LYN: variants seen among roughly 807,000 people sequenced by gnomAD.
The protein encoded by LYN is LYN proto-oncogene, Src family tyrosine kinase.
Under a neutral mutation model 65.0 loss-of-function variants are expected in LYN, and 12 were observed. The ratio of observed to expected loss-of-function variants is 0.18; its 90% CI spans 0.12 to 0.30. The LOEUF (loss-of-function observed/expected upper bound fraction) is 0.30. Ranked by LOEUF, LYN falls within the 10% of genes least tolerant of loss-of-function variation. The probability of loss-of-function intolerance (pLI) is 1.00; values close to 1 mark genes in which losing one functional copy is unlikely to be tolerated. For missense variants in LYN, 380 were observed against 623.2 expected (o/e 0.61, Z 4.16); for synonymous variants, 222 against 221.2 (o/e 1.00, Z -0.03).
At chr8:55,884,152 T>G (rs779172066) in intron 1 of LYN, among the ~76,000 whole-genome samples, 2 of 152,200 alleles carry the variant, frequency 1.3e-5, no homozygotes, top group Non-Finnish European at 2.9e-5. Context: ...CAGCCTGGAG[T>G]GCAGTGGTGC....
At chr8:55,963,952 T>G (rs1308842983) in intron 8 of LYN, among the ~76,000 whole-genome samples, 4 of 152,164 alleles carry the variant, frequency 2.6e-5, no homozygotes. Context: ...GTTAAAAAAT[T>G]TATAATAAAA....
intron 1 of LYN, among the ~76,000 whole-genome samples, chr8:55,913,710 C>T (rs1423737142): frequency 2.6e-5 from 4 of 152,088 alleles, no homozygotes; most frequent in Admixed American, 6.5e-5. Context: ...TAAGCACAGA[C>T]GTGGAAGAAG....
intron 1 of LYN, among the ~76,000 whole-genome samples, chr8:55,881,829 A>C (rs1386936022): frequency 6.6e-6 from 1 of 152,222 alleles, no homozygotes; most frequent in Non-Finnish European, 1.5e-5. Flanking sequence ...AAGCTCCATG[A>C]AAACTGCTTC....
At chr8:55,917,384 A>G (rs958909292) in intron 1 of LYN, among the ~76,000 whole-genome samples, 5 of 152,100 alleles carry the variant, frequency 3.3e-5, no homozygotes, top group South Asian at 2.1e-4. Flanking sequence ...GGGTCTTGCT[A>G]TGTTGCCCAG....
At chr8:55,951,624 C>T (rs1806951419) in intron 6 of LYN, among the ~76,000 whole-genome samples, 1 of 149,398 alleles carries the variant, frequency 6.7e-6, no homozygotes, top group South Asian at 2.1e-4. Context: ...ATGATTGTGC[C>T]ACTCTACTCT....
At chr8:55,965,269 A>T (rs1235375283) in intron 8 of LYN, among the ~76,000 whole-genome samples, 1 of 152,186 alleles carries the variant, frequency 6.6e-6, no homozygotes, top group African/African-American at 2.4e-5. Flanking sequence ...TACTTGAACA[A>T]GTGTTCTGAG....
At chr8:55,901,621 G>A (rs1284560446) in intron 1 of LYN, among the ~76,000 whole-genome samples, 3 of 152,158 alleles carry the variant, frequency 2.0e-5, no homozygotes, top group Non-Finnish European at 2.9e-5. Context: ...AGGTAGGGCC[G>A]GGGGAGGTCC....
chr8:55,918,480 C>G (rs1226633633), intron 1 of LYN, among the ~76,000 whole-genome samples: 1 of 152,222 alleles, frequency 6.6e-6, no homozygotes, highest in Non-Finnish European at 1.5e-5. Context: ...GAATCATTGC[C>G]TTCTGCATCA....
chr8:55,916,953 G>T (rs1037561394), intron 1 of LYN, among the ~76,000 whole-genome samples: 1 of 151,948 alleles, frequency 6.6e-6, no homozygotes, highest in African/African-American at 2.4e-5. Flanking sequence ...GAGGGAGGTG[G>T]ATTATTTGAG....
chr8:55,992,632 C>T (rs1585673896), intron 10 of LYN, among the ~76,000 whole-genome samples: 1 of 152,140 alleles, frequency 6.6e-6, no homozygotes, highest in Admixed American at 6.5e-5. Context: ...TCAAAGGCAA[C>T]GTGTTGAGAC....
In LYN at chr8:56,013,528, C is replaced by T. The variant is rs1193145075; in HGVS notation, c.*3418C>T. Reference sequence around the variant, plus strand: ...TCAGGCGATCCGCCTGCCTCGGCTTCCCAAAGTGCTGGGATTACAAGTGTG... The same window carrying T: ...TCAGGCGATCCGCCTGCCTCGGCTTTCCAAAGTGCTGGGATTACAAGTGTG... On this transcript the variant is annotated 3_prime_UTR_variant, in exon 13 of 13. Coordinates refer to ENST00000519728, the MANE Select transcript of LYN (RefSeq NM_002350.4). The T allele has an allele frequency of 6.6e-6, 1 of 152,384 alleles. No individual in the cohort carries two copies. Among genetic ancestry groups the T allele is most frequent in the African/African-American group, 2.4e-5 (1 of 41,464 alleles). The allele number at this position is 152,384 out of a possible 1,614,324, so 9.4% of individuals were successfully genotyped here.
At position 55,950,753 on chromosome 8, in the gene LYN, T is replaced by C; in HGVS notation, c.456T>C (p.Ala152=). ...TGGCACCAGGAAATAGCGCTGGAGCTTTCCTTATTAGAGAAAGTGAAACAT... is the reference window on the plus strand; with the variant it reads ...TGGCACCAGGAAATAGCGCTGGAGCCTTCCTTATTAGAGAAAGTGAAACAT... ...QLLAPGNSAG[A]FLIRESETLK... The change falls in exon 6 of 13, where the codon GCT becomes GCC. Residue 152 remains alanine (A), a synonymous_variant. Coordinates refer to ENST00000519728, the MANE Select transcript of LYN (RefSeq NM_002350.4). The C allele has an allele frequency of 6.2e-7, 1 of 1,613,704 alleles. No homozygotes were observed. The highest frequency in any genetic ancestry group is 1.1e-5 in the South Asian group (1 of 91,078).
intron 1 of LYN, among the ~76,000 whole-genome samples, chr8:55,926,348 C>A (rs938062291): frequency 6.6e-6 from 1 of 152,174 alleles, no homozygotes; most frequent in African/African-American, 2.4e-5. Context: ...GATTAGTAAA[C>A]GCTGATAAAG....
chr8:55,969,145 G>A (rs896937182), intron 9 of LYN, among the ~76,000 whole-genome samples: 6 of 152,154 alleles, frequency 3.9e-5, no homozygotes, highest in African/African-American at 1.2e-4. Flanking sequence ...GGGTGTGATG[G>A]CATGTACCCT....
intron 10 of LYN, among the ~76,000 whole-genome samples, chr8:55,971,216 C>G (rs1244570286): frequency 6.6e-6 from 1 of 152,228 alleles, no homozygotes; most frequent in Non-Finnish European, 1.5e-5. Flanking sequence ...CCCAGCAGCC[C>G]TGCCTTTTTA....
intron 8 of LYN, among the ~76,000 whole-genome samples, chr8:55,966,193 A>G (rs1167496171): frequency 6.6e-6 from 1 of 152,188 alleles, no homozygotes; most frequent in African/African-American, 2.4e-5. Context: ...CTACTATTTC[A>G]TAGAAACCTT....
At chr8:55,997,632 T>C (rs1220279149) in intron 10 of LYN, among the ~76,000 whole-genome samples, 1 of 152,160 alleles carries the variant, frequency 6.6e-6, no homozygotes, top group Non-Finnish European at 1.5e-5. Context: ...GGGTTCAGGA[T>C]TGCAACATTT....
chr8:56,000,707 G>A (rs759218102), intron 12 of LYN, among the ~76,000 whole-genome samples: 29 of 110,990 alleles, frequency 2.6e-4, no homozygotes, highest in Non-Finnish European at 3.3e-4. Context: ...TAGCCATGGC[G>A]ACAGAGTGAG....
At chr8:55,897,428 TG>T (rs1218783113) in intron 1 of LYN, among the ~76,000 whole-genome samples, 16 of 152,236 alleles carry the variant, frequency 1.1e-4, no homozygotes, top group African/African-American at 3.4e-4. Context: ...ACTTTGCACA[TG>T]GTGGTTTCGA....
Sources: gnomAD v4.1 joint callset for allele counts (sites outside exome capture counted in the v4.1 genomes callset) on GRCh38, gnomAD v4.1.1 for gene constraint, MANE v1.5 for transcripts, NCBI Gene and HGNC (gene_info 2026-07-23, HGNC 2026-07-21) for gene names.